Variants in SLC5A12 observed in about 807,000 individuals in gnomAD.
SLC5A12 encodes solute carrier family 5 member 12, also known as sodium-coupled monocarboxylate transporter 2.
Under a neutral mutation model 72.7 loss-of-function variants are expected in SLC5A12, and 46 were observed. The ratio of observed to expected loss-of-function variants is 0.63; its 90% CI spans 0.50 to 0.81. The LOEUF is 0.81. Ranked by LOEUF, SLC5A12 falls within the 30% of genes least tolerant of loss-of-function variation. The pLI is 0.00. For missense variants in SLC5A12, 683 were observed against 740.7 expected (o/e 0.92, Z 0.90); for synonymous variants, 275 against 264.4 (o/e 1.04, Z -0.39).
At chr11:26,701,573 G>T (rs912939686) in intron 6 of SLC5A12, among the ~76,000 whole-genome samples, 1 of 152,102 alleles carries the variant, frequency 6.6e-6, no homozygotes, top group Non-Finnish European at 1.5e-5. Context: ...ACTAAATCAG[G>T]TTTTAAGATT....
At chr11:26,692,348 G>A (rs1373308088) in intron 9 of SLC5A12, 141 bp downstream of exon 9, 1 of 636,426 alleles carries the variant, frequency 1.6e-6, no homozygotes, top group Non-Finnish European at 2.8e-6. Context: ...GGAAGTGTAA[G>A]AATCTATGTG....
intron 11 of SLC5A12, among the ~76,000 whole-genome samples, 198 bp downstream of exon 11, chr11:26,683,559 T>C (rs556593477): frequency 2.0e-5 from 3 of 152,322 alleles, no homozygotes; most frequent in African/African-American, 7.2e-5. Flanking sequence ...CATAACTACC[T>C]CTGCTCTTCT....
intron 1 of SLC5A12, among the ~76,000 whole-genome samples, chr11:26,714,516 A>G (rs1370620570): frequency 6.6e-6 from 1 of 152,192 alleles, no homozygotes; most frequent in African/African-American, 2.4e-5. Flanking sequence ...TTTTCTCAGT[A>G]AGTATTCTAG....
Position 26,668,683 on chromosome 11 carries a change from T to C in SLC5A12, c.*2419A>G, listed in dbSNP as rs1170845872. The C allele has an allele frequency of 2.0e-5, 3 of 152,048 alleles. No individual in the cohort carries two copies. Among genetic ancestry groups the C allele is most frequent in the Non-Finnish European group, 4.4e-5 (3 of 67,982 alleles). The allele number at this position is 152,048 out of a possible 1,614,324, so 9.4% of individuals were successfully genotyped here. ...CTCTCTACCTGAAACCCTAGATTTA[T>C]GCATGTTTGTTCAATTAAGAAGAAT... On this transcript the variant is annotated 3_prime_UTR_variant, in exon 15 of 15. Coordinates refer to ENST00000396005, the MANE Select transcript of SLC5A12 (RefSeq NM_178498.4).
intron 6 of SLC5A12, 39 bp from the exon 7 acceptor site, chr11:26,698,574 C>G: frequency 6.2e-7 from 1 of 1,607,172 alleles, no homozygotes; most frequent in Non-Finnish European, 8.5e-7. Flanking sequence ...AGCCTGTATA[C>G]CATATCATAC....
intron 14 of SLC5A12, among the ~76,000 whole-genome samples, chr11:26,672,706 C>T (rs1289839374): frequency 6.6e-6 from 1 of 152,156 alleles, no homozygotes; most frequent in Non-Finnish European, 1.5e-5. Flanking sequence ...TGTCTAACTA[C>T]AGGCTCTTTC....
chr11:26,721,878 C>G lies in SLC5A12; in HGVS notation c.-164G>C, dbSNP rs928228113. 7.7e-6 allele frequency: 5 copies of G among 653,136 alleles called. No individual in the cohort carries two copies. The highest frequency in any genetic ancestry group is 5.4e-5 in the African/African-American group (3 of 55,426). 40.5% of individuals were successfully genotyped at this position (653,136 alleles called of 1,614,324 possible). On this transcript the variant is annotated 5_prime_UTR_variant, in exon 1 of 15. Transcript: ENST00000396005. ...ACTCGTGTGAATCTTCAGACACCAA[C>G]GTGTACTTAGTGAAGATCTCAAAAG...
chr11:26,698,557 T>G, intron 6 of SLC5A12, 22 bp from the exon 7 acceptor site: 1 of 1,613,284 alleles, frequency 6.2e-7, no homozygotes, highest in Non-Finnish European at 8.5e-7. Flanking sequence ...CACATGGGCC[T>G]ATTGGTAGCC....
chr11:26,688,179 A>G (rs926027906), intron 9 of SLC5A12, among the ~76,000 whole-genome samples: 1 of 152,230 alleles, frequency 6.6e-6, no homozygotes, highest in Non-Finnish European at 1.5e-5. Flanking sequence ...TTTAGGAGAA[A>G]TTTGTGGAAA....
Position 26,669,418 on chromosome 11 carries a change from A to C in SLC5A12, c.*1684T>G, listed in dbSNP as rs1261461619. 6.6e-6 allele frequency: 1 copy of C among 151,868 alleles called. No individual in the cohort carries two copies. Among genetic ancestry groups the C allele is most frequent in the African/African-American group, 2.4e-5 (1 of 41,380 alleles). 9.4% of individuals were successfully genotyped at this position (151,868 alleles called of 1,614,324 possible). On this transcript the variant is annotated 3_prime_UTR_variant, in exon 15 of 15. Coordinates refer to ENST00000396005, the MANE Select transcript of SLC5A12 (RefSeq NM_178498.4). Reference sequence around the variant, plus strand: ...TTAATTAGCGTTGCCAGACTTTAAAAAATGTTTCCAAAAATTCTGCTCCTT... The same window carrying C: ...TTAATTAGCGTTGCCAGACTTTAAACAATGTTTCCAAAAATTCTGCTCCTT...
At position 26,703,652 on chromosome 11, in the gene SLC5A12, T is replaced by G. The variant is rs758883740; in HGVS notation, c.700A>C (p.Arg234=). The change falls in exon 6 of 15, where the codon AGG becomes CGG. Residue 234 remains arginine, a synonymous_variant. Coordinates refer to ENST00000396005, the MANE Select transcript of SLC5A12 (RefSeq NM_178498.4). The stretch of plus-strand genomic sequence containing the variant: ...GTGATAGTCCAAAAAGTGTGTCGCC[T>G]GAGAGGATCTACATCAAAGCTATGA... The part of the protein sequence containing the change: ...HIFDFDVDPL[R]RHTFWTITVG... 3.9e-5 allele frequency: 63 copies of G among 1,613,726 alleles called. No homozygotes were observed. The highest frequency in any genetic ancestry group is 5.0e-5 in the Non-Finnish European group (59 of 1,179,866).
intron 13 of SLC5A12, among the ~76,000 whole-genome samples, chr11:26,675,760 G>T (rs1428214108): frequency 1.3e-5 from 2 of 152,102 alleles, no homozygotes; most frequent in African/African-American, 4.8e-5. Flanking sequence ...TCCCCACATG[G>T]TCCCTCTACT....
intron 1 of SLC5A12, among the ~76,000 whole-genome samples, chr11:26,718,883 G>A (rs1205100012): frequency 6.6e-6 from 1 of 151,992 alleles, no homozygotes; most frequent in East Asian, 1.9e-4. Context: ...TACACACTCT[G>A]GATTACTTAC....
chr11:26,673,936 G>T (rs968363919), intron 13 of SLC5A12, among the ~76,000 whole-genome samples: 3 of 152,074 alleles, frequency 2.0e-5, no homozygotes, highest in African/African-American at 7.2e-5. Flanking sequence ...TGTAAAATTA[G>T]AAAGAGTATT....
intron 13 of SLC5A12, among the ~76,000 whole-genome samples, chr11:26,677,612 T>C (rs538801743): frequency 2.0e-5 from 3 of 152,280 alleles, no homozygotes; most frequent in African/African-American, 7.2e-5. Flanking sequence ...ACCATTTACA[T>C]AAAGACATTG....
chr11:26,699,404 C>T (rs945425788), intron 6 of SLC5A12, among the ~76,000 whole-genome samples: 3 of 152,128 alleles, frequency 2.0e-5, no homozygotes, highest in African/African-American at 2.4e-5. Flanking sequence ...AAACCTATAC[C>T]GTACAGGTGT....
intron 8 of SLC5A12, among the ~76,000 whole-genome samples, chr11:26,693,027 T>A (rs915680420): frequency 6.6e-6 from 1 of 152,190 alleles, no homozygotes; most frequent in African/African-American, 2.4e-5. Context: ...TATTTCTACA[T>A]CCTTTTATTC....
chr11:26,709,225 C>T, intron 4 of SLC5A12, 87 bp downstream of exon 4: 1 of 939,828 alleles, frequency 1.1e-6, no homozygotes, highest in Non-Finnish European at 1.6e-6. Flanking sequence ...ACGAATTCTG[C>T]TATAATTAGA....
At chr11:26,680,335 ATATGTATATATATTCATATATATATG>A (rs1854371414) in intron 12 of SLC5A12, among the ~76,000 whole-genome samples, 2 of 138,356 alleles carry the variant, frequency 1.4e-5, no homozygotes, top group African/African-American at 5.6e-5. Context: ...ATTCATATAT[ATATGTATATATATTCATATATATATG>A]TATATATATT....
Sources: gnomAD v4.1 joint callset for allele counts (sites outside exome capture counted in the v4.1 genomes callset) on GRCh38, gnomAD v4.1.1 for gene constraint, MANE v1.5 for transcripts, NCBI Gene and HGNC (gene_info 2026-07-23, HGNC 2026-07-21) for gene names.